Variants in TENM4 observed in about 807,000 individuals in gnomAD.
TENM4 encodes teneurin transmembrane protein 4.
In TENM4, 82 loss-of-function variants were observed where a neutral mutation model predicts 243.3. That is an observed-to-expected ratio of 0.34 (90% confidence interval 0.28 to 0.40). TENM4 has a LOEUF of 0.40. TENM4 is among the 10% of genes least tolerant of loss of function. The pLI, the probability that TENM4 is intolerant of heterozygous loss-of-function variation, is 1.00. For synonymous variants in TENM4, 1,412 were observed against 1,456.3 expected (o/e 0.97, Z 0.69); for missense variants, 3,138 against 3,673.3 (o/e 0.85, Z 3.77).
intron 1 of TENM4, among the ~76,000 whole-genome samples, chr11:79,330,888 C>A (rs1207188962): frequency 6.6e-6 from 1 of 152,170 alleles, no homozygotes; most frequent in East Asian, 1.9e-4. Flanking sequence ...TTTCTGCTTT[C>A]TTACCAGGAG....
chr11:78,899,573 A>AGGGGG (rs1565430097), intron 7 of TENM4, among the ~76,000 whole-genome samples: 15 of 70,058 alleles, frequency 2.1e-4, no homozygotes, highest in East Asian at 6.9e-4. Context: ...GGGGGGGGGA[A>AGGGGG]AAAGAAAAAA....
At chr11:79,223,285 A>G (rs1864199736) in intron 2 of TENM4, among the ~76,000 whole-genome samples, 1 of 152,226 alleles carries the variant, frequency 6.6e-6, no homozygotes, top group Non-Finnish European at 1.5e-5. Context: ...CACAAGTGCT[A>G]AAAAGCAGCC....
At chr11:79,261,376 CACAAACT>C (rs1183494284) in intron 2 of TENM4, among the ~76,000 whole-genome samples, 2 of 152,210 alleles carry the variant, frequency 1.3e-5, no homozygotes, top group East Asian at 3.9e-4. Context: ...ATTCATTAGA[CACAAACT>C]CTGTTCCCGG....
Position 78,738,523 on chromosome 11 carries a change from G to C in TENM4, c.2804C>G (p.Pro935Arg), listed in dbSNP as rs141706152. ...RGQVMTSDGT[P>R]LVGVNISFVN... Reference sequence around the variant, plus strand: ...AAAACTGATGTTCACACCAACCAGGGGGGTTCCATCTGATGTCATCACTTG... The same window carrying C: ...AAAACTGATGTTCACACCAACCAGGCGGGTTCCATCTGATGTCATCACTTG... The change falls in exon 20 of 34, where the codon CCC becomes CGC. Residue 935 changes from proline (P) to arginine (R), a missense_variant. Physicochemically the swap from Pro to Arg is moderately radical, Grantham distance 103 (BLOSUM62 -2). Coordinates refer to ENST00000278550, the MANE Select transcript of TENM4 (RefSeq NM_001098816.3). The C allele has an allele frequency of 5.5e-3, 8,872 of 1,613,832 alleles. 41 individuals are homozygous for C. Among genetic ancestry groups the C allele is most frequent in the Non-Finnish European group, 6.9e-3 (8,192 of 1,179,808 alleles).
chr11:79,230,031 T>G (rs1347922371), intron 2 of TENM4, among the ~76,000 whole-genome samples: 1 of 151,444 alleles, frequency 6.6e-6, no homozygotes, highest in Non-Finnish European at 1.5e-5. Flanking sequence ...AGACTGCGTC[T>G]TGCTATGTTT....
At chr11:78,828,368 A>G (rs1278799782) in intron 12 of TENM4, among the ~76,000 whole-genome samples, 5 of 152,226 alleles carry the variant, frequency 3.3e-5, no homozygotes, top group Non-Finnish European at 5.9e-5. Context: ...CAGGACCCCA[A>G]TTCTTTTCTC....
intron 6 of TENM4, among the ~76,000 whole-genome samples, chr11:79,037,186 G>C (rs1321776999): frequency 2.6e-5 from 4 of 152,200 alleles, no homozygotes; most frequent in African/African-American, 9.7e-5. Context: ...ATGCACATGG[G>C]CCAGCTGCCT....
intron 4 of TENM4, among the ~76,000 whole-genome samples, chr11:79,116,515 AGT>A (rs1861625050): frequency 5.4e-4 from 1 of 1,868 alleles, no homozygotes; most frequent in African/African-American, 0.014. Context: ...GCTGTGAAAT[AGT>A]AAAATAGTAT....
rs200705126 is a variant in TENM4, at chr11:78,658,789, G to T, written c.7579C>A (p.Gln2527Lys). 1.0e-3 allele frequency: 1,632 copies of T among 1,613,610 alleles called. 2 individuals carry two copies. Among genetic ancestry groups the T allele is most frequent in the Non-Finnish European group, 1.3e-3 (1,511 of 1,179,718 alleles). The part of the protein sequence containing the change: ...KSILGVQCEV[Q>K]KQLKAFVTLE... ...GTGACAAAGGCCTTGAGCTGCTTCTGTACTTCACACTGTACCCCGAGGATA... is the reference window on the plus strand; with the variant it reads ...GTGACAAAGGCCTTGAGCTGCTTCTTTACTTCACACTGTACCCCGAGGATA... The change falls in exon 34 of 34, where the codon CAG (glutamine) becomes AAG (lysine). Residue 2527 changes from glutamine (Q) to lysine (K), a missense_variant. Physicochemically the swap from Gln to Lys is moderately conservative, Grantham distance 53. This residue lies in a region of TENM4 where 2,467 missense variants were observed against 3,059.1 expected (regional missense o/e 0.81). Transcript: ENST00000278550.
At chr11:79,251,424 C>T (rs1378608081) in intron 2 of TENM4, among the ~76,000 whole-genome samples, 1 of 152,198 alleles carries the variant, frequency 6.6e-6, no homozygotes, top group Non-Finnish European at 1.5e-5. Context: ...TTGCTAAAAT[C>T]CTAAACCAAG....
chr11:79,337,536 G>C (rs1361831164), intron 1 of TENM4, among the ~76,000 whole-genome samples: 1 of 152,180 alleles, frequency 6.6e-6, no homozygotes, highest in East Asian at 1.9e-4. Flanking sequence ...GGGGAGAATA[G>C]CCAGAAAGGG....
intron 1 of TENM4, among the ~76,000 whole-genome samples, chr11:79,333,553 C>T (rs1198801279): frequency 6.6e-6 from 1 of 152,170 alleles, no homozygotes; most frequent in Non-Finnish European, 1.5e-5. Context: ...AGGGCTCTCT[C>T]CTTTTACTGA....
chr11:78,837,563 A>G (rs1224664693), intron 12 of TENM4, among the ~76,000 whole-genome samples: 1 of 152,158 alleles, frequency 6.6e-6, no homozygotes, highest in Non-Finnish European at 1.5e-5. Flanking sequence ...CCTTCTCCTG[A>G]CCATACCCTG....
At chr11:79,285,261 AG>A (rs1450595010) in intron 2 of TENM4, among the ~76,000 whole-genome samples, 4 of 149,282 alleles carry the variant, frequency 2.7e-5, no homozygotes, top group South Asian at 2.2e-4. Context: ...ATAAAAAAAA[AG>A]AGAGATGCTG....
At position 78,676,299 on chromosome 11, in the gene TENM4, C is replaced by G. The variant is rs776224530; in HGVS notation, c.5349G>C (p.Glu1783Asp). 2 of 1,612,790 alleles carry G rather than the reference C, an allele frequency of 1.2e-6. No homozygotes were observed. Among genetic ancestry groups the G allele is most frequent in the African/African-American group, 1.3e-5 (1 of 75,038 alleles). Residue 1783 changes from glutamate to aspartate, a missense_variant, in exon 30 of 34, where the codon GAG (glutamate) becomes GAC (aspartate). By Grantham distance (45) the Glu-to-Asp change is conservative (BLOSUM62 2). Transcript: ENST00000278550. ...TGACGGTGCCAGCCAGCAAGTGGGG[C>G]TCAGTCTGCAGCGCCACCTCCATGC... is the stretch of plus-strand genomic sequence containing the variant. ...ANGMEVALQT[E>D]PHLLAGTVNP... is the part of the protein sequence containing the mutation.
At chr11:79,104,528 C>T (rs1861314894) in intron 4 of TENM4, among the ~76,000 whole-genome samples, 1 of 152,222 alleles carries the variant, frequency 6.6e-6, no homozygotes, top group African/African-American at 2.4e-5. Context: ...ACATCCATAT[C>T]ACAGCTGGGC....
chr11:79,065,819 C>T (rs1244289435), intron 5 of TENM4, among the ~76,000 whole-genome samples: 2 of 151,596 alleles, frequency 1.3e-5, no homozygotes, highest in African/African-American at 2.4e-5. Flanking sequence ...AGGAGTAGTA[C>T]CTGAGTGACA....
At chr11:78,732,711 C>A (rs965208361) in intron 20 of TENM4, 134 bp from the exon 21 acceptor site, 3 of 1,056,182 alleles carry the variant, frequency 2.8e-6, no homozygotes, top group Admixed American at 3.0e-5. Context: ...GGCTCTAATG[C>A]CTAAATATTT....
At chr11:78,908,270 G>T (rs142766272) in intron 6 of TENM4, among the ~76,000 whole-genome samples, 1 of 152,256 alleles carries the variant, frequency 6.6e-6, no homozygotes, top group East Asian at 1.9e-4. Flanking sequence ...TTTCTCTGGA[G>T]CTTTAGTTTT....
Sources: gnomAD v4.1 joint callset for allele counts (sites outside exome capture counted in the v4.1 genomes callset) on GRCh38, gnomAD v4.1.1 for gene constraint, gnomAD v4.1.1 regional missense constraint, MANE v1.5 for transcripts, NCBI Gene and HGNC (gene_info 2026-07-23, HGNC 2026-07-21) for gene names.